The following ZNF48 variants were observed in gnomAD, a reference collection of about 807,000 sequenced individuals.
The protein encoded by ZNF48 is zinc finger protein 48.
In ZNF48, 20 loss-of-function variants were observed where a neutral mutation model predicts 40.0. The ratio of observed to expected loss-of-function variants is 0.50; its 90% CI spans 0.35 to 0.73. The LOEUF is 0.73. ZNF48 is among the 30% of genes least tolerant of loss of function. The pLI is 0.01. For synonymous variants in ZNF48, 298 were observed against 329.7 expected (o/e 0.90, Z 1.04); for missense variants, 726 against 851.9 (o/e 0.85, Z 1.84).
chr16:30,393,753 T>A (rs1337266742), upstream of ZNF48, among the ~76,000 whole-genome samples: 1 of 151,832 alleles, frequency 6.6e-6, no homozygotes, highest in Non-Finnish European at 1.5e-5. Flanking sequence ...TCTCGCTCTA[T>A]TACCCAGGCT....
chr16:30,390,982 GC>G (rs1200111000), upstream of ZNF48, among the ~76,000 whole-genome samples: 9 of 151,872 alleles, frequency 5.9e-5, no homozygotes, highest in Non-Finnish European at 7.4e-5. Flanking sequence ...CTCGTGATCT[GC>G]CCACCTTGAC....
intron 2 of ZNF48, chr16:30,396,113 A>G (rs1324145869): frequency 4.9e-6 from 2 of 411,030 alleles, no homozygotes; most frequent in Non-Finnish European, 4.3e-6. Context: ...TTCAGGCTTC[A>G]TTCTGTTTTA....
upstream of ZNF48, among the ~76,000 whole-genome samples, chr16:30,392,281 C>T (rs147454543): frequency 8.1e-4 from 124 of 152,244 alleles, 1 homozygote; most frequent in African/African-American, 2.9e-3. Flanking sequence ...CATCGGCATC[C>T]CAAAGTGCTG....
chr16:30,387,417 T>TGG (rs1204551632), intron 1 of ZNF48, among the ~76,000 whole-genome samples: 1 of 146,958 alleles, frequency 6.8e-6, no homozygotes, highest in African/African-American at 2.5e-5. Context: ...TAGCCAGGCA[T>TGG]GGTGGCGCAT....
At position 30,381,063 on chromosome 16, in the gene ZNF48, A is replaced by G. The variant is rs2049840324; in HGVS notation, c.-16+2653A>G. The G allele has an allele frequency of 7.9e-7, 1 of 1,272,652 alleles. No homozygotes were observed. The highest frequency in any genetic ancestry group is 1.5e-5 in the African/African-American group (1 of 68,286). The allele number at this position is 1,272,652 out of a possible 1,614,324, so 78.8% of individuals were successfully genotyped here. ...CAGAAAGGCCACTTCAAGATCAAAG[A>G]AGTCTAAGCTGAAATCAGGTTTGGC... is the stretch of plus-strand genomic sequence containing the variant. On this transcript the variant is annotated intron_variant, in intron 1 of 2. Transcript: ENST00000528032. This position sits in a 1 kb window ranked among gnomAD's most constrained non-coding sequence, Gnocchi z 4.3.
intron 2 of ZNF48, chr16:30,396,087 A>T: frequency 2.2e-6 from 1 of 453,204 alleles, no homozygotes. Context: ...CCTCATCCTT[A>T]CTGCCTCTGC....
At chr16:30,379,683 C>T (rs1205670096) in intron 1 of ZNF48, 8 of 532,040 alleles carry the variant, frequency 1.5e-5, no homozygotes, top group South Asian at 6.5e-5. Flanking sequence ...GGGTCTCACT[C>T]CATTGCCCAG....
intron 1 of ZNF48, chr16:30,380,526 T>A (rs544234282): frequency 1.3e-5 from 2 of 158,742 alleles, no homozygotes; most frequent in East Asian, 3.8e-4. Context: ...TGTCTTAAAC[T>A]CTTCAGCTCA....
upstream of ZNF48, among the ~76,000 whole-genome samples, chr16:30,392,099 T>G (rs930485601): frequency 2.6e-5 from 4 of 152,224 alleles, no homozygotes; most frequent in African/African-American, 4.8e-5. Flanking sequence ...CTCGGCTAAC[T>G]GGAAGCTCCG....
intron 1 of ZNF48, among the ~76,000 whole-genome samples, chr16:30,389,235 A>G (rs2049923525): frequency 6.6e-6 from 1 of 151,788 alleles, no homozygotes; most frequent in Admixed American, 6.6e-5. Context: ...TACTAAGAAT[A>G]CAAAAAATTA....
At chr16:30,391,095 G>A (rs1255620934), upstream of ZNF48, among the ~76,000 whole-genome samples, 2 of 152,056 alleles carry the variant, frequency 1.3e-5, no homozygotes, top group African/African-American at 2.4e-5. Flanking sequence ...GTAAACTCAC[G>A]GCACATTAAA....
intron 2 of ZNF48, 137 bp downstream of exon 2, chr16:30,396,010 G>A: frequency 3.2e-6 from 3 of 934,866 alleles, no homozygotes; most frequent in African/African-American, 1.7e-5. Context: ...GGGAGCTTTC[G>A]GAGCACCAAC....
At chr16:30,386,068 G>A (rs1430320116) in intron 1 of ZNF48, among the ~76,000 whole-genome samples, 3 of 151,930 alleles carry the variant, frequency 2.0e-5, no homozygotes, top group Non-Finnish European at 2.9e-5. Context: ...TTGAGGCCAG[G>A]AGTTTGAGAC....
rs565822516 is a variant in ZNF48, at chr16:30,382,980, C to T, written c.-16+4570C>T. On this transcript the variant is annotated intron_variant, in intron 1 of 2. Transcript: ENST00000528032. This position sits in a 1 kb window ranked among gnomAD's most constrained non-coding sequence, Gnocchi z 4.8. ...CTTGAGCCAAGGAGTTCCAGACCAG[C>T]CTGGGCAACAGAGGGACGTGCCCCT... 2.9e-5 allele frequency: 18 copies of T among 619,622 alleles called. No individual in the cohort carries two copies. The highest frequency in any genetic ancestry group is 2.7e-4 in the African/African-American group (15 of 54,874). The allele number at this position is 619,622 out of a possible 1,614,324, so 38.4% of individuals were successfully genotyped here.
At chr16:30,396,754 A>G (rs1370720120) in intron 2 of ZNF48, among the ~76,000 whole-genome samples, 5 of 149,544 alleles carry the variant, frequency 3.3e-5, no homozygotes, top group African/African-American at 1.0e-4. Flanking sequence ...GAGTGGCACA[A>G]TCACAGCTCA....
rs1014833957 is a variant in ZNF48 at position 30,398,820 on chromosome 16, G to T, written c.1570G>T (p.Val524Leu). 2 of 1,613,778 alleles carry T rather than the reference G, an allele frequency of 1.2e-6. No individual in the cohort carries two copies. The highest frequency in any genetic ancestry group is 2.7e-5 in the African/African-American group (2 of 75,032). ...GCGGCCACATAACCCACCTGGCCCA[G>T]TACCCATGGCCCCTCGACCCCGAGT... ...LLRPHNPPGP[V>L]PMAPRPRVRA... Residue 524 changes from valine (V) to leucine (L), a missense_variant, in exon 3 of 3, where the codon GTA (valine) becomes TTA (leucine). By Grantham distance (32) the Val-to-Leu change is conservative. Coordinates refer to ENST00000613509, the MANE Select transcript of ZNF48 (RefSeq NM_001214909.2). This position sits in a 1 kb window ranked among gnomAD's most constrained non-coding sequence, Gnocchi z 6.6.
intron 1 of ZNF48, chr16:30,380,863 G>A: frequency 1.9e-6 from 1 of 514,384 alleles, no homozygotes; most frequent in Non-Finnish European, 3.5e-6. Flanking sequence ...CCAGAGGGAA[G>A]TCACTATGTT....
In ZNF48 at chr16:30,386,518, C is replaced by A. The variant is rs1055459236; in HGVS notation, c.-16+8108C>A. 6.6e-5 allele frequency among the ~76,000 whole-genome samples: 10 copies of A among 151,142 alleles called. No individual in the cohort carries two copies. In the South Asian group the frequency reaches 1.7e-3, roughly 25 times the overall value. ...TGAAACCCCATGTCTACAAAAAATACAAAAATTAGCTGGGCATGGTGGCAT... is the reference window on the plus strand; with the variant it reads ...TGAAACCCCATGTCTACAAAAAATAAAAAAATTAGCTGGGCATGGTGGCAT... On this transcript the variant is annotated intron_variant, in intron 1 of 2. Transcript: ENST00000528032.
Position 30,400,024 on chromosome 16 carries a change from T to C in ZNF48, c.*917T>C, listed in dbSNP as rs1382871455. On this transcript the variant is annotated 3_prime_UTR_variant, in exon 3 of 3. Coordinates refer to ENST00000613509, the MANE Select transcript of ZNF48 (RefSeq NM_001214909.2). ...CAGGCATGAAAAAGGTGGAGAGGGG[T>C]CTCTGCGCGCAAAACTCAGACTGTA... The C allele has an allele frequency of 1.3e-5, 2 of 151,888 alleles. No individual in the cohort carries two copies. Among genetic ancestry groups the C allele is most frequent in the African/African-American group, 4.8e-5 (2 of 41,312 alleles). The allele number at this position is 151,888 out of a possible 1,614,324, so 9.4% of individuals were successfully genotyped here.
Sources: allele counts gnomAD v4.1 joint callset (sites outside exome capture counted in the v4.1 genomes callset), GRCh38; gene constraint gnomAD v4.1.1; non-coding constraint Gnocchi (gnomAD v3.1); transcripts MANE v1.5; gene names NCBI Gene and HGNC (gene_info 2026-07-23, HGNC 2026-07-21).